The following LARGE1 variants were observed in gnomAD, a reference collection of about 807,000 sequenced individuals.
LARGE1 encodes the protein xylosyl- and glucuronyltransferase LARGE1.
In LARGE1, 43 loss-of-function variants were observed where a neutral mutation model predicts 87.6. That is an observed-to-expected ratio of 0.49 (90% confidence interval 0.38 to 0.63). The LOEUF is 0.63. Ranked by LOEUF, LARGE1 falls within the 30% of genes least tolerant of loss-of-function variation. The pLI is 0.00. For missense variants in LARGE1, 802 were observed against 1,000.2 expected, an observed-to-expected ratio of 0.80 and a Z score of 2.67; for synonymous variants, 434 against 394.6, an observed-to-expected ratio of 1.10 and a Z score of -1.18.
At chr22:33,661,362 C>T (rs1229861208) in intron 2 of LARGE1, among the ~76,000 whole-genome samples, 8 of 151,662 alleles carry the variant, frequency 5.3e-5, no homozygotes, top group South Asian at 2.1e-4. Flanking sequence ...ATTACAGGCG[C>T]GCCACCATGC....
At chr22:33,456,955 C>T (rs530366208) in intron 6 of LARGE1, among the ~76,000 whole-genome samples, 1 of 152,282 alleles carries the variant, frequency 6.6e-6, no homozygotes, top group East Asian at 1.9e-4. Context: ...TACTTGTGCA[C>T]TTGCAATGTG....
intron 2 of LARGE1, among the ~76,000 whole-genome samples, chr22:33,694,560 A>G (rs966655322): frequency 1.3e-5 from 2 of 152,062 alleles, no homozygotes; most frequent in African/African-American, 2.4e-5. Context: ...TTTCATCACA[A>G]TATGTTAGTA....
intron 10 of LARGE1, among the ~76,000 whole-genome samples, chr22:33,334,139 G>C (rs1419217110): frequency 6.6e-6 from 1 of 150,750 alleles, no homozygotes; most frequent in Non-Finnish European, 1.5e-5. Context: ...AAAGCCAGGC[G>C]CGGTGGCTCA....
At chr22:33,318,108 C>T (rs1039086727) in intron 10 of LARGE1, among the ~76,000 whole-genome samples, 6 of 151,886 alleles carry the variant, frequency 4.0e-5, no homozygotes, top group Non-Finnish European at 5.9e-5. Flanking sequence ...TGGTGGCGGG[C>T]ATCTCTAATC....
At chr22:33,523,269 G>A (rs933816758) in intron 6 of LARGE1, among the ~76,000 whole-genome samples, 2 of 151,736 alleles carry the variant, frequency 1.3e-5, no homozygotes, top group African/African-American at 4.8e-5. Context: ...CTCCCAAAGT[G>A]CTCCTTGACC....
chr22:33,745,829 T>C (rs1238520090), intron 2 of LARGE1, among the ~76,000 whole-genome samples: 1 of 152,098 alleles, frequency 6.6e-6, no homozygotes, highest in East Asian at 1.9e-4. Context: ...TCCGACCTAG[T>C]ACATTTCCTA....
chr22:33,758,346 G>T (rs556745024), intron 2 of LARGE1, among the ~76,000 whole-genome samples: 98 of 152,320 alleles, frequency 6.4e-4, no homozygotes, highest in African/African-American at 2.3e-3. Flanking sequence ...GCCTCATCTA[G>T]ATTGTCCTTA....
chr22:33,149,609 GGTCAAAA>G, the LARGE1 span, among the ~76,000 whole-genome samples: 4 of 152,140 alleles, frequency 2.6e-5, no homozygotes, highest in African/African-American at 9.7e-5. Flanking sequence ...CAGTTCTGTA[GGTCAAAA>G]GTCCTGATGA....
chr22:33,791,851 C>CT (rs1401080084), intron 1 of LARGE1, among the ~76,000 whole-genome samples: 1 of 152,178 alleles, frequency 6.6e-6, no homozygotes, highest in Non-Finnish European at 1.5e-5. Flanking sequence ...GAAAAATACT[C>CT]TAAGTCTTGT....
intron 9 of LARGE1, among the ~76,000 whole-genome samples, chr22:33,342,274 G>C (rs1939237836): frequency 6.6e-6 from 1 of 152,206 alleles, no homozygotes; most frequent in Non-Finnish European, 1.5e-5. Flanking sequence ...CTGAGGAAAT[G>C]TTAAGCTTCT....
chr22:33,663,623 A>G (rs571048189), intron 2 of LARGE1, among the ~76,000 whole-genome samples: 123 of 152,282 alleles, frequency 8.1e-4, no homozygotes, highest in Non-Finnish European at 3.5e-4. Flanking sequence ...TCTCAGAGAC[A>G]GTGTCAGGAT....
chr22:33,540,336 G>C (rs916980588), intron 6 of LARGE1, among the ~76,000 whole-genome samples: 1 of 152,192 alleles, frequency 6.6e-6, no homozygotes, highest in Admixed American at 6.5e-5. Context: ...GTTTGGAGTT[G>C]ACTAAGTGCC....
intron 2 of LARGE1, among the ~76,000 whole-genome samples, chr22:33,706,327 G>A (rs2082561692): frequency 6.6e-6 from 1 of 152,168 alleles, no homozygotes; most frequent in Non-Finnish European, 1.5e-5. Context: ...ATGGCCAAGA[G>A]GGACCTCGTC....
intron 1 of LARGE1, among the ~76,000 whole-genome samples, chr22:33,913,336 G>A (rs2065691456): frequency 6.6e-6 from 1 of 152,196 alleles, no homozygotes. Flanking sequence ...AGGTGGGTAG[G>A]TGAGTACTGT....
intron 5 of LARGE1, among the ~76,000 whole-genome samples, chr22:33,567,284 C>T (rs2078056569): frequency 6.6e-6 from 1 of 152,174 alleles, no homozygotes. Context: ...ACGATGCCTA[C>T]TTCACACAGT....
the LARGE1 span, among the ~76,000 whole-genome samples, chr22:33,104,652 T>A: frequency 6.6e-5 from 10 of 152,368 alleles, no homozygotes; most frequent in East Asian, 1.5e-3. Context: ...ATCTTCCCTG[T>A]CTGACTTGGC....
chr22:33,915,012 A>AATAC (rs2065742280), intron 1 of LARGE1, among the ~76,000 whole-genome samples: 1 of 139,134 alleles, frequency 7.2e-6, no homozygotes, highest in Non-Finnish European at 1.6e-5. Flanking sequence ...TACAAACACA[A>AATAC]ACACACACAC....
chr22:33,884,032 G>A (rs1411045096), intron 1 of LARGE1, among the ~76,000 whole-genome samples: 1 of 152,208 alleles, frequency 6.6e-6, no homozygotes, highest in Admixed American at 6.5e-5. Context: ...ACTTAGAACA[G>A]TGCCTCATAT....
chr22:33,671,901 C>T (rs2149266726), intron 2 of LARGE1, among the ~76,000 whole-genome samples: 1 of 152,238 alleles, frequency 6.6e-6, no homozygotes, highest in South Asian at 2.1e-4. Context: ...GTGTGATATA[C>T]TTGACAATAA....
Sources: gnomAD v4.1 joint callset for allele counts (sites outside exome capture counted in the v4.1 genomes callset) on GRCh38, gnomAD v4.1.1 for gene constraint, MANE v1.5 for transcripts, NCBI Gene and HGNC (gene_info 2026-07-23, HGNC 2026-07-21) for gene names.